THAP6: variants seen among roughly 807,000 people sequenced by gnomAD.
The protein encoded by THAP6 is THAP domain containing 6, also known as THAP domain-containing protein 6.
In THAP6, 13 loss-of-function variants were observed where a neutral mutation model predicts 20.0. That is an observed-to-expected ratio of 0.65 (90% CI 0.42 to 1.03). The LOEUF (loss-of-function observed/expected upper bound fraction) is 1.03, where lower values mean the gene tolerates loss of function less well. Ranked by LOEUF, THAP6 falls within the 50% of genes least tolerant of loss-of-function variation. The pLI is 0.00. For missense variants in THAP6, 262 were observed against 261.6 expected, an observed-to-expected ratio of 1.00 and a Z score of -0.01; for synonymous variants, 93 against 92.2, an observed-to-expected ratio of 1.01 and a Z score of -0.05.
At chr4:75,541,436 A>G (rs1248331548) in intron 2 of THAP6, among the ~76,000 whole-genome samples, 1 of 148,036 alleles carries the variant, frequency 6.8e-6, no homozygotes, top group East Asian at 2.0e-4. Flanking sequence ...AAAACAATTT[A>G]TAAGTGTGTA....
In THAP6 at chr4:75,529,620, C is replaced by T. The variant is rs978071655; in HGVS notation, c.*2406C>T. On this transcript the variant is annotated 3_prime_UTR_variant, in exon 5 of 5. Transcript: ENST00000311638. Reference sequence around the variant, plus strand: ...AGTCCTCTGTTCCCAGAGATTCCACCCTAGCCCAGGAAAGAACTGGCCTGT... The same window carrying T: ...AGTCCTCTGTTCCCAGAGATTCCACTCTAGCCCAGGAAAGAACTGGCCTGT... The T allele has an allele frequency of 6.1e-6, 6 of 985,262 alleles. No individual in the cohort carries two copies. Among genetic ancestry groups the T allele is most frequent in the Non-Finnish European group, 7.2e-6 (6 of 829,952 alleles). The allele number at this position is 985,262 out of a possible 1,614,324, so 61.0% of individuals were successfully genotyped here.
chr4:75,531,500 T>C (rs1726678847), downstream of THAP6, among the ~76,000 whole-genome samples: 1 of 152,236 alleles, frequency 6.6e-6, no homozygotes, highest in African/African-American at 2.4e-5. Flanking sequence ...TGAGTCCTTC[T>C]AGTGAATCAT....
At chr4:75,530,597 G>A (rs1045054192), downstream of THAP6, among the ~76,000 whole-genome samples, 1 of 152,098 alleles carries the variant, frequency 6.6e-6, no homozygotes, top group African/African-American at 2.4e-5. Context: ...ATGTCTGTCT[G>A]GTCTAGACTT....
intron 3 of THAP6, among the ~76,000 whole-genome samples, chr4:75,520,395 A>G (rs1394557669): frequency 2.0e-5 from 3 of 152,214 alleles, no homozygotes; most frequent in Non-Finnish European, 4.4e-5. Context: ...ACATATTGCC[A>G]TAGCTTTCCA....
chr4:75,533,675 G>A (rs551209472), downstream of THAP6, among the ~76,000 whole-genome samples: 32 of 152,288 alleles, frequency 2.1e-4, no homozygotes, highest in South Asian at 1.2e-3. Flanking sequence ...GGAAGGCAAG[G>A]AGGAGCAAGT....
At chr4:75,535,706 T>A (rs1199492342) in intron 2 of THAP6, among the ~76,000 whole-genome samples, 2 of 152,198 alleles carry the variant, frequency 1.3e-5, no homozygotes, top group African/African-American at 2.4e-5. Flanking sequence ...ATATGTTAAC[T>A]TACTATGGTG....
chr4:75,523,861 T>C (rs1726196047), intron 4 of THAP6, among the ~76,000 whole-genome samples: 1 of 151,992 alleles, frequency 6.6e-6, no homozygotes, highest in Non-Finnish European at 1.5e-5. Flanking sequence ...CTGGAGAGTT[T>C]CCCCAATGTT....
chr4:75,519,706 A>G (rs1004598763), intron 3 of THAP6, among the ~76,000 whole-genome samples: 1 of 151,710 alleles, frequency 6.6e-6, no homozygotes, highest in Non-Finnish European at 1.5e-5. Context: ...TATGTGCCAC[A>G]TTTTCTTAAT....
downstream of THAP6, among the ~76,000 whole-genome samples, chr4:75,531,887 G>A (rs1331697549): frequency 6.6e-6 from 1 of 151,614 alleles, no homozygotes; most frequent in East Asian, 1.9e-4. Flanking sequence ...CTCCCACTGG[G>A]TCTCTCCCAC....
intron 3 of THAP6, 111 bp from the exon 4 acceptor site, chr4:75,521,625 C>A: frequency 8.6e-7 from 1 of 1,166,316 alleles, no homozygotes; most frequent in Non-Finnish European, 1.2e-6. Context: ...AAGCAATTTC[C>A]ATGAAAAGAA....
rs1292136724 is a variant in THAP6 at position 75,527,909 on chromosome 4, G to A, written c.*695G>A. ...TAGCTTTAAAAAGACAAAAAGGATC[G>A]TAGATCTGATTTTTAAATGGTTGGT... On this transcript the variant is annotated 3_prime_UTR_variant, in exon 5 of 5. Coordinates refer to ENST00000311638, the MANE Select transcript of THAP6 (RefSeq NM_144721.6). 7.1e-6 allele frequency: 7 copies of A among 985,264 alleles called. No individual in the cohort carries two copies. The highest frequency in any genetic ancestry group is 1.7e-5 in the African/African-American group (1 of 57,222). 61.0% of individuals were successfully genotyped at this position (985,264 alleles called of 1,614,324 possible).
downstream of THAP6, among the ~76,000 whole-genome samples, chr4:75,534,030 A>G (rs1162351837): frequency 4.6e-5 from 7 of 151,444 alleles, no homozygotes; most frequent in East Asian, 1.2e-3. Context: ...TTGTCCTTGC[A>G]ATAGTTTGCT....
At chr4:75,523,134 G>A (rs912398326) in intron 4 of THAP6, among the ~76,000 whole-genome samples, 51 of 152,248 alleles carry the variant, frequency 3.3e-4, no homozygotes, top group African/African-American at 1.1e-3. Context: ...AGGTATAAAA[G>A]CCATTTTAAC....
chr4:75,525,640 G>A (rs1403433025), intron 4 of THAP6, among the ~76,000 whole-genome samples: 1 of 152,070 alleles, frequency 6.6e-6, no homozygotes, highest in African/African-American at 2.4e-5. Flanking sequence ...TTATTTGCAT[G>A]CCTGGTAAAT....
chr4:75,531,795 C>A (rs1041710830), downstream of THAP6, among the ~76,000 whole-genome samples: 5 of 119,830 alleles, frequency 4.2e-5, no homozygotes, highest in East Asian at 9.4e-4. Flanking sequence ...TTTTTTTTTT[C>A]TTTCAAATCA....
Position 75,515,476 on chromosome 4 carries a change from T to C in THAP6, c.24T>C (p.Ile8=). MVKCCSA[I]GCASRCLPNS... is the part of the protein sequence containing the mutation. Reference sequence around the variant, plus strand: ...AAATGGTGAAATGCTGCTCCGCCATTGGATGTGCTTCTCGCTGCTTGCCAA... The same window carrying C: ...AAATGGTGAAATGCTGCTCCGCCATCGGATGTGCTTCTCGCTGCTTGCCAA... Residue 8 remains isoleucine (I), a synonymous_variant, in exon 2 of 5, where the codon ATT becomes ATC. Transcript: ENST00000311638. The C allele has an allele frequency of 6.2e-7, 1 of 1,614,084 alleles. No homozygotes were observed. The highest frequency in any genetic ancestry group is 8.5e-7 in the Non-Finnish European group (1 of 1,179,928).
At chr4:75,545,155 T>C (rs573095196) in intron 3 of THAP6, among the ~76,000 whole-genome samples, 2 of 152,248 alleles carry the variant, frequency 1.3e-5, no homozygotes, top group East Asian at 3.9e-4. Context: ...AATGATAACA[T>C]AGATGAGGAA....
chr4:75,536,847 A>T (rs1726870867), intron 2 of THAP6, among the ~76,000 whole-genome samples: 1 of 152,172 alleles, frequency 6.6e-6, no homozygotes, highest in Admixed American at 6.5e-5. Context: ...TAGTTTAAAT[A>T]CAAAGAATCC....
At position 75,542,007 on chromosome 4, in the gene THAP6, A is replaced by T. The variant is rs143987096; in HGVS notation, c.166-402A>T. Among the ~76,000 whole-genome samples, 119 of 152,232 alleles carry T rather than the reference A, an allele frequency of 7.8e-4. 2 individuals carry two copies. Among genetic ancestry groups the T allele is most frequent in the African/African-American group, 2.7e-3 (113 of 41,538 alleles). ...CCATTTCATCTCTGAAAAATGAGGT[A>T]TTACTTGTTATCATTACCTTCATCA... On this transcript the variant is annotated intron_variant, in intron 2 of 4. Coordinates refer to the THAP6 transcript ENST00000502620.
Sources: allele counts gnomAD v4.1 joint callset (sites outside exome capture counted in the v4.1 genomes callset), GRCh38; gene constraint gnomAD v4.1.1; transcripts MANE v1.5; gene names NCBI Gene and HGNC (gene_info 2026-07-23, HGNC 2026-07-21).